The following ADAMTSL4 variants were observed in gnomAD, a reference collection of about 807,000 sequenced individuals.
The protein encoded by ADAMTSL4 is ADAMTS like 4, also known as ADAMTS-like protein 4.
In ADAMTSL4, 97 loss-of-function variants were observed where a neutral mutation model predicts 122.8. The ratio of observed to expected loss-of-function variants is 0.79; its 90% CI spans 0.67 to 0.93. The LOEUF is 0.93. ADAMTSL4 is among the 40% of genes least tolerant of loss of function. ADAMTSL4 has a pLI of 0.00. For synonymous variants in ADAMTSL4, 592 were observed against 568.0 expected (o/e 1.04, Z -0.60); for missense variants, 1,408 against 1,453.5 (o/e 0.97, Z 0.51).
In ADAMTSL4 at chr1:150,560,270, CT is replaced by C. The variant is rs1672644539; in HGVS notation, c.*75del. The C allele has an allele frequency of 6.3e-7, 1 of 1,591,852 alleles. No individual in the cohort carries two copies. The highest frequency in any genetic ancestry group is 2.3e-5 in the East Asian group (1 of 44,124). On this transcript the variant is annotated 3_prime_UTR_variant, in exon 19 of 19. Coordinates refer to ENST00000271643, the MANE Select transcript of ADAMTSL4 (RefSeq NM_019032.6). The stretch of plus-strand genomic sequence containing the variant: ...CATTGATCGGCCCACTCTGAACCCC[CT>C]GGCTCTCCAGCCTGTCCCAGTCTCA...
intron 2 of ADAMTSL4, chr1:150,551,051 C>G (rs1043207146): frequency 2.2e-5 from 10 of 454,538 alleles, no homozygotes; most frequent in African/African-American, 6.0e-5. Flanking sequence ...GTGGGAAGGA[C>G]TCAAAGTGAG....
Position 150,553,603 on chromosome 1 carries a change from C to G in ADAMTSL4, c.612C>G (p.Phe204Leu). 1 of 1,613,868 alleles carries G rather than the reference C, an allele frequency of 6.2e-7. No individual in the cohort carries two copies. The change falls in exon 6 of 19, where the codon TTC (phenylalanine) becomes TTG (leucine). Residue 204 changes from phenylalanine (F) to leucine (L), a missense_variant. Physicochemically the swap from Phe to Leu is conservative, Grantham distance 22 (BLOSUM62 0). Coordinates refer to ENST00000271643, the MANE Select transcript of ADAMTSL4 (RefSeq NM_019032.6). ...CCCCTACTCCAAGAGCAGAGCCATT[C>G]TCCGCAAACGGCAGCCCCCAAACTG... ...IPSPTPRAEP[F>L]SANGSPQTEL...
Position 150,558,060 on chromosome 1 carries a change from C to G in ADAMTSL4, c.2293C>G (p.Arg765Gly). 3 of 1,613,070 alleles carry G rather than the reference C, an allele frequency of 1.9e-6. No homozygotes were observed. Among genetic ancestry groups the G allele is most frequent in the Non-Finnish European group, 2.5e-6 (3 of 1,179,994 alleles). Residue 765 changes from arginine to glycine, a missense_variant, in exon 14 of 19, where the codon CGC becomes GGC. Coordinates refer to ENST00000271643, the MANE Select transcript of ADAMTSL4 (RefSeq NM_019032.6). ...GGGTGGCTCCTCGGTGCCCCCGGAG[C>G]GCTGTGGACATCTCCCCCGGCCCAA... is the stretch of plus-strand genomic sequence containing the variant. Reference protein sequence around the residue: ...GGGGSSVPPERCGHLPRPNIT... With the variant: ...GGGGSSVPPEGCGHLPRPNIT...
At chr1:150,550,816 C>T (rs754920399) in intron 2 of ADAMTSL4, 2 of 456,612 alleles carry the variant, frequency 4.4e-6, no homozygotes, top group Non-Finnish European at 4.4e-6. Flanking sequence ...CACTCTGACC[C>T]CTCCCTCAAA....
rs587685112 is a variant in ADAMTSL4 at position 150,552,177 on chromosome 1, G to C, written c.-84-28G>C. On this transcript the variant is annotated intron_variant, in intron 2 of 18. Coordinates refer to ENST00000271643, the MANE Select transcript of ADAMTSL4 (RefSeq NM_019032.6). This position sits in a 1 kb window ranked among gnomAD's most constrained non-coding sequence, Gnocchi z 4.0. ...CCCCAAGCTCTCTGGACACTGGAGA[G>C]GTAACCACCAGGCTTCTGTCCCTGC... The C allele has an allele frequency of 8.5e-7, 1 of 1,171,146 alleles. No individual in the cohort carries two copies. The highest frequency in any genetic ancestry group is 1.2e-6 in the Non-Finnish European group (1 of 820,472). 72.5% of individuals were successfully genotyped at this position (1,171,146 alleles called of 1,614,324 possible).
rs762447008 is a variant in ADAMTSL4 at position 150,555,486 on chromosome 1, T to C, written c.1292T>C (p.Val431Ala). 1 of 1,614,188 alleles carries C rather than the reference T, an allele frequency of 6.2e-7. No individual in the cohort carries two copies. Among genetic ancestry groups the C allele is most frequent in the Non-Finnish European group, 8.5e-7 (1 of 1,180,022 alleles). The change falls in exon 8 of 19, where the codon GTC becomes GCC. Residue 431 changes from valine to alanine, a missense_variant. Coordinates refer to ENST00000271643, the MANE Select transcript of ADAMTSL4 (RefSeq NM_019032.6). ...NCRPRGFRFY[V>A]RHTEKVQDGT... ...CGGCCCCGTGGCTTCCGCTTCTATG[T>C]CCGTCACACTGAAAAGGTCCAGGAT...
chr1:150,559,949 T>C lies in ADAMTSL4; in HGVS notation c.3088+44T>C. 1 of 1,613,738 alleles carries C rather than the reference T, an allele frequency of 6.2e-7. No individual in the cohort carries two copies. The highest frequency in any genetic ancestry group is 8.5e-7 in the Non-Finnish European group (1 of 1,179,982). Reference sequence around the variant, plus strand: ...CCAATCCCCAATACAGTGGATTAGCTGAAGTATGGGAGGAGATGAGAAAGG... The same window carrying C: ...CCAATCCCCAATACAGTGGATTAGCCGAAGTATGGGAGGAGATGAGAAAGG... On this transcript the variant is annotated intron_variant, in intron 18 of 18. Transcript: ENST00000271643. This position sits in a 1 kb window ranked among gnomAD's most constrained non-coding sequence, Gnocchi z 4.1.
chr1:150,555,789 A>G (rs183801861), intron 8 of ADAMTSL4, among the ~76,000 whole-genome samples: 5 of 152,060 alleles, frequency 3.3e-5, no homozygotes, highest in Admixed American at 1.3e-4. Flanking sequence ...ATGCATGCAC[A>G]TGTGCACACG....
chr1:150,559,833 A>G lies in ADAMTSL4; in HGVS notation c.3016A>G (p.Thr1006Ala), dbSNP rs1672599979. The G allele has an allele frequency of 6.2e-7, 1 of 1,613,842 alleles. No individual in the cohort carries two copies. The highest frequency in any genetic ancestry group is 8.5e-7 in the Non-Finnish European group (1 of 1,179,998). ...QCLSTNQTLS[T>A]RCPPQLRPSR... is the part of the protein sequence containing the mutation. ...CCTGAGCACCAACCAGACCCTCAGC[A>G]CCCGATGCCCTCCTCAACTGCGGCC... The change falls in exon 18 of 19, where the codon ACC (threonine) becomes GCC (alanine). Residue 1006 changes from threonine to alanine, a missense_variant. Physicochemically the swap from Thr to Ala is moderately conservative, Grantham distance 58 (BLOSUM62 0). Coordinates refer to ENST00000271643, the MANE Select transcript of ADAMTSL4 (RefSeq NM_019032.6). The surrounding 1 kb of genome is among the most constrained non-coding windows in gnomAD (Gnocchi z 4.1).
chr1:150,551,964 G>A, intron 2 of ADAMTSL4: 1 of 383,132 alleles, frequency 2.6e-6, no homozygotes, highest in Non-Finnish European at 4.7e-6. Context: ...ATTTGGGGAG[G>A]AGCTAAGAAG....
chr1:150,556,996 C>T lies in ADAMTSL4; in HGVS notation c.1807C>T (p.Pro603Ser), dbSNP rs747545540. The T allele has an allele frequency of 6.8e-6, 11 of 1,614,036 alleles. No homozygotes were observed. The highest frequency in any genetic ancestry group is 1.1e-5 in the South Asian group (1 of 91,088). ...TTATCAGTATGTCATCTCTTCACCT[C>T]CTCCAATCCTTGAGAACCCCACCCC... Reference protein sequence around the residue: ...VFYQYVISSPPPILENPTPEP... With the variant: ...VFYQYVISSPSPILENPTPEP... The change falls in exon 11 of 19, where the codon CCT (proline) becomes TCT (serine). Residue 603 changes from proline (P) to serine (S), a missense_variant. Pro to Ser is a moderately conservative substitution (Grantham distance 74). Coordinates refer to ENST00000271643, the MANE Select transcript of ADAMTSL4 (RefSeq NM_019032.6). The surrounding 1 kb of genome is among the most constrained non-coding windows in gnomAD (Gnocchi z 4.1).
rs1035437127 is a variant in ADAMTSL4 at position 150,555,704 on chromosome 1, GAC to G, written c.1371+143_1371+144del. On this transcript the variant is annotated intron_variant, in intron 8 of 18. Coordinates refer to ENST00000271643, the MANE Select transcript of ADAMTSL4 (RefSeq NM_019032.6). ...ACATACACACACGCATATGCGCACAGACACATGCACACACGCACACACACACA... is the reference window on the plus strand; with the variant it reads ...ACATACACACACGCATATGCGCACAGACATGCACACACGCACACACACACA... 59 of 919,678 alleles carry G rather than the reference GAC, an allele frequency of 6.4e-5. 1 individual carries two copies. The highest frequency in any genetic ancestry group is 4.3e-4 in the Admixed American group (17 of 39,904). The allele number at this position is 919,678 out of a possible 1,614,324, so 57.0% of individuals were successfully genotyped here.
At position 150,553,129 on chromosome 1, in the gene ADAMTSL4, C is replaced by A. The variant is rs200120255; in HGVS notation, c.310C>A (p.Pro104Thr). 6.8e-6 allele frequency: 11 copies of A among 1,613,142 alleles called. No individual in the cohort carries two copies. The highest frequency in any genetic ancestry group is 9.3e-6 in the Non-Finnish European group (11 of 1,179,724). The change falls in exon 5 of 19, where the codon CCC becomes ACC. Residue 104 changes from proline (P) to threonine (T), a missense_variant. Coordinates refer to ENST00000271643, the MANE Select transcript of ADAMTSL4 (RefSeq NM_019032.6). ...ALLPRGQGPR[P>T]QTSPETLPLY... Reference sequence around the variant, plus strand: ...CCTCCCCCGGGGCCAGGGTCCCAGACCCCAGACTTCTCCAGAAACCCTCCC... The same window carrying A: ...CCTCCCCCGGGGCCAGGGTCCCAGAACCCAGACTTCTCCAGAAACCCTCCC...
rs1560292521 is a variant in ADAMTSL4 at position 150,555,457 on chromosome 1, C to T, written c.1263C>T (p.Asn421=). ...AGGGCTCCCAGCGCTGTGAACTGAA[C>T]TGCCGGCCCCGTGGCTTCCGCTTCT... ...EVQGSQRCEL[N]CRPRGFRFYV... is the part of the protein sequence containing the mutation. The change falls in exon 8 of 19, where the codon AAC becomes AAT. Residue 421 remains asparagine (N), a synonymous_variant. Transcript: ENST00000271643. 13 of 1,614,204 alleles carry T rather than the reference C, an allele frequency of 8.1e-6. No individual in the cohort carries two copies. The highest frequency in any genetic ancestry group is 1.1e-5 in the Non-Finnish European group (13 of 1,180,030).
intron 8 of ADAMTSL4, 185 bp from the exon 9 acceptor site, chr1:150,555,977 C>A: frequency 1.5e-6 from 1 of 666,760 alleles, no homozygotes; most frequent in Non-Finnish European, 2.7e-6. Flanking sequence ...CTGAGCAGAG[C>A]CTGAAGGATC....
Position 150,552,104 on chromosome 1 carries a change from T to A in ADAMTSL4, c.-84-101T>A. On this transcript the variant is annotated intron_variant, in intron 2 of 18. Transcript: ENST00000271643. The surrounding 1 kb of genome is among the most constrained non-coding windows in gnomAD (Gnocchi z 4.0). ...TCCCACCCTGAGGATCCTAAAGGGA[T>A]GGACCAGTTTCACCCCCTCCTCCAT... The A allele has an allele frequency of 1.6e-6, 1 of 634,010 alleles. No homozygotes were observed. Among genetic ancestry groups the A allele is most frequent in the Non-Finnish European group, 2.8e-6 (1 of 355,448 alleles). 39.3% of individuals were successfully genotyped at this position (634,010 alleles called of 1,614,324 possible). A position where few individuals can be genotyped will look rare whatever the true frequency, so the allele number is the denominator to read the frequency against.
chr1:150,555,753 ACACATG>A (rs1672013049), intron 8 of ADAMTSL4, among the ~76,000 whole-genome samples, 188 bp downstream of exon 8: 3 of 152,216 alleles, frequency 2.0e-5, no homozygotes, highest in Admixed American at 1.3e-4. Context: ...GCATATGCAC[ACACATG>A]CACATGCATA....
Position 150,559,864 on chromosome 1 carries a change from G to A in ADAMTSL4, c.3047G>A (p.Arg1016Lys). The A allele has an allele frequency of 6.2e-6, 10 of 1,614,008 alleles. No individual in the cohort carries two copies. The highest frequency in any genetic ancestry group is 7.6e-6 in the Non-Finnish European group (9 of 1,180,006). The change falls in exon 18 of 19, where the codon AGG (arginine) becomes AAG (lysine). Residue 1016 changes from arginine (R) to lysine (K), a missense_variant. Transcript: ENST00000271643. This position sits in a 1 kb window ranked among gnomAD's most constrained non-coding sequence, Gnocchi z 4.1. ...TGCCCTCCTCAACTGCGGCCCTCCA[G>A]GAAGCGCCCCTGTAACAGCCAACCC... ...TRCPPQLRPS[R>K]KRPCNSQPCS... is the part of the protein sequence containing the mutation.
At position 150,554,343 on chromosome 1, in the gene ADAMTSL4, T is replaced by A; in HGVS notation, c.1132-22T>A. 6.2e-7 allele frequency: 1 copy of A among 1,608,396 alleles called. No individual in the cohort carries two copies. The highest frequency in any genetic ancestry group is 1.1e-5 in the South Asian group (1 of 90,930). ...CCTCATTTTGCTCCCCAGCTCTGAC[T>A]CCTTTGTACCCCTCACCGCAGCCCT... On this transcript the variant is annotated intron_variant, in intron 6 of 18. Coordinates refer to ENST00000271643, the MANE Select transcript of ADAMTSL4 (RefSeq NM_019032.6). The surrounding 1 kb of genome is among the most constrained non-coding windows in gnomAD (Gnocchi z 4.0).
Sources: gnomAD v4.1 joint callset for allele counts (sites outside exome capture counted in the v4.1 genomes callset) on GRCh38, gnomAD v4.1.1 for gene constraint, Gnocchi (gnomAD v3.1) non-coding constraint, MANE v1.5 for transcripts, NCBI Gene and HGNC (gene_info 2026-07-23, HGNC 2026-07-21) for gene names.